IDE: variants seen among roughly 807,000 people sequenced by gnomAD.
IDE encodes insulin-degrading enzyme.
In IDE, 58 loss-of-function variants were observed where a neutral mutation model predicts 133.2. The ratio of observed to expected loss-of-function variants is 0.44; its 90% CI spans 0.35 to 0.54. The LOEUF is 0.54. Among genes scored for constraint, IDE ranks in the 20% least tolerant of loss-of-function variants. IDE has a pLI of 0.00. For synonymous variants in IDE, 396 were observed against 421.3 expected, an observed-to-expected ratio of 0.94 and a Z score of 0.73; for missense variants, 981 against 1,234.0, an observed-to-expected ratio of 0.79 and a Z score of 3.07.
chr10:92,524,180 G>A (rs1344483326), intron 4 of IDE, among the ~76,000 whole-genome samples: 1 of 145,960 alleles, frequency 6.9e-6, no homozygotes, highest in Non-Finnish European at 1.5e-5. Context: ...CATGGTGGCA[G>A]GCATGTAATC....
intron 9 of IDE, 51 bp from the exon 10 acceptor site, chr10:92,506,573 CTTT>C (rs34053974): frequency 4.9e-4 from 332 of 682,328 alleles, no homozygotes; most frequent in South Asian, 9.2e-4. Flanking sequence ...ATTTAGAAAC[CTTT>C]TTTTTTTTTT....
chr10:92,482,696 A>G (rs560669702), intron 14 of IDE, among the ~76,000 whole-genome samples: 2 of 152,318 alleles, frequency 1.3e-5, no homozygotes, highest in Non-Finnish European at 2.9e-5. Context: ...AATAGCTAAC[A>G]TAAATCATTT....
At chr10:92,458,647 G>A (rs768132841) in intron 22 of IDE, among the ~76,000 whole-genome samples, 1 of 151,552 alleles carries the variant, frequency 6.6e-6, no homozygotes. Flanking sequence ...GATTACAGGC[G>A]TGCACCACCA....
At chr10:92,466,547 C>G (rs1334844221) in intron 19 of IDE, among the ~76,000 whole-genome samples, 1 of 151,740 alleles carries the variant, frequency 6.6e-6, no homozygotes, top group East Asian at 1.9e-4. Context: ...GAATTCCTGA[C>G]CTCAGGTGAT....
chr10:92,519,173 A>G (rs1217896527), intron 4 of IDE, among the ~76,000 whole-genome samples: 2 of 152,236 alleles, frequency 1.3e-5, no homozygotes, highest in African/African-American at 4.8e-5. Flanking sequence ...ATTATACAAA[A>G]AGATGTACTC....
intron 17 of IDE, chr10:92,474,421 A>G (rs1475979726): frequency 6.5e-6 from 1 of 152,720 alleles, no homozygotes; most frequent in Non-Finnish European, 1.5e-5. Context: ...GATTGAAAAC[A>G]GTAAATGTGG....
rs543578767 is a variant in IDE at position 92,534,518 on chromosome 10, T to A, written c.491+60A>T. 1.7e-4 allele frequency: 151 copies of A among 893,158 alleles called. 2 individuals are homozygous for A. In the East Asian group the frequency reaches 2.5e-3, roughly 15 times the overall value. 55.3% of individuals were successfully genotyped at this position (893,158 alleles called of 1,614,324 possible). A position where few individuals can be genotyped will look rare whatever the true frequency, so the allele number is the denominator to read the frequency against. On this transcript the variant is annotated intron_variant, in intron 3 of 24. Coordinates refer to ENST00000265986, the MANE Select transcript of IDE (RefSeq NM_004969.4). ...AAGCCATCTCTGTGGAAATAATAAT[T>A]ATTATTATTAATGTGATAAGTACAC...
At chr10:92,503,258 A>G (rs1337165700) in intron 11 of IDE, among the ~76,000 whole-genome samples, 1 of 152,136 alleles carries the variant, frequency 6.6e-6, no homozygotes, top group Non-Finnish European at 1.5e-5. Context: ...GTGAGACCCT[A>G]TCTCTATAAA....
At chr10:92,533,995 C>A (rs1218579478) in intron 3 of IDE, among the ~76,000 whole-genome samples, 1 of 151,688 alleles carries the variant, frequency 6.6e-6, no homozygotes, top group African/African-American at 2.4e-5. Context: ...TGCATTCCAG[C>A]CTGGGAAACA....
intron 1 of IDE, among the ~76,000 whole-genome samples, chr10:92,545,754 C>T (rs1223633576): frequency 1.3e-5 from 2 of 152,118 alleles, no homozygotes; most frequent in African/African-American, 4.8e-5. Context: ...TTCTGAGATA[C>T]TACTATGTAT....
At chr10:92,507,992 AG>A in intron 8 of IDE, 120 bp downstream of exon 8, 1 of 738,630 alleles carries the variant, frequency 1.4e-6, no homozygotes, top group Non-Finnish European at 2.3e-6. Context: ...ACAATGGATA[AG>A]TTGTATGAAT....
chr10:92,502,175 C>A (rs1404479820), intron 11 of IDE, among the ~76,000 whole-genome samples: 1 of 152,018 alleles, frequency 6.6e-6, no homozygotes, highest in Non-Finnish European at 1.5e-5. Context: ...AGAAAAACAG[C>A]CTACCAGGAT....
At position 92,487,235 on chromosome 10, in the gene IDE, C is replaced by T. The variant is rs35426658; in HGVS notation, c.1617G>A (p.Pro539=). ...GGTATGGTGTCGCCTCTTTTTCTAA[C>T]GGTAAAATCTCAAAATTCGTAGGAA... The part of the protein sequence containing the change: ...EFIPTNFEIL[P]LEKEATPYPA... The change falls in exon 13 of 25, where the codon CCG becomes CCA. Residue 539 remains proline, a synonymous_variant. Transcript: ENST00000265986. 3.7e-5 allele frequency: 60 copies of T among 1,612,926 alleles called. No homozygotes were observed. Among genetic ancestry groups the T allele is most frequent in the Non-Finnish European group, 4.6e-5 (54 of 1,179,482 alleles).
intron 1 of IDE, among the ~76,000 whole-genome samples, chr10:92,563,298 A>T (rs1843368395): frequency 6.6e-6 from 1 of 151,970 alleles, no homozygotes; most frequent in African/African-American, 2.4e-5. Context: ...CTAAAAATAC[A>T]AAAATTAGCT....
rs1564635338 is a variant in IDE at position 92,510,704 on chromosome 10, A to ATATGATATATATCACATACATCTCACATG, written c.785-571_785-543dup. The stretch of plus-strand genomic sequence containing the variant: ...GATATATATCACATACATCTCACAT[A>ATATGATATATATCACATACATCTCACATG]TATGATATATATCACATACATCTCA... On this transcript the variant is annotated intron_variant, in intron 5 of 24. Coordinates refer to ENST00000265986, the MANE Select transcript of IDE (RefSeq NM_004969.4). 9.4e-5 allele frequency among the ~76,000 whole-genome samples: 14 copies of ATATGATATATATCACATACATCTCACATG among 149,590 alleles called. No homozygotes were observed. The East Asian group carries it at 2.5e-3, about 27-fold the overall frequency.
Position 92,479,340 on chromosome 10 carries a change from A to G in IDE, c.1821T>C (p.Tyr607=), listed in dbSNP as rs1236636098. 1 of 1,613,574 alleles carries G rather than the reference A, an allele frequency of 6.2e-7. No homozygotes were observed. The highest frequency in any genetic ancestry group is 8.5e-7 in the Non-Finnish European group (1 of 1,179,564). The change falls in exon 15 of 25, where the codon TAT becomes TAC. Residue 607 remains tyrosine, a synonymous_variant. Transcript: ENST00000265986. The stretch of plus-strand genomic sequence containing the variant: ...AGCCTGCTAGCTCTGCTGCATATGC[A>G]TACTCGTTGAGTGAGTCTTTGAGGA... ...LELLKDSLNE[Y]AYAAELAGLS...
At chr10:92,474,415 GA>G (rs1446810400) in intron 17 of IDE, 13 of 152,724 alleles carry the variant, frequency 8.5e-5, no homozygotes. Flanking sequence ...GGTCCAGATT[GA>G]AAACAGTAAA....
intron 11 of IDE, among the ~76,000 whole-genome samples, chr10:92,504,098 C>T (rs564149642): frequency 6.6e-6 from 1 of 152,114 alleles, no homozygotes; most frequent in African/African-American, 2.4e-5. Context: ...AAAAAACTTA[C>T]TCAATAACCA....
intron 4 of IDE, among the ~76,000 whole-genome samples, chr10:92,520,224 T>C (rs79061508): frequency 0.034 from 5,175 of 151,458 alleles, 138 homozygotes; most frequent in Admixed American, 0.059. Context: ...CGAAGAGGGG[T>C]TGGTAAATTG....
Sources: allele counts gnomAD v4.1 joint callset (sites outside exome capture counted in the v4.1 genomes callset), GRCh38; gene constraint gnomAD v4.1.1; transcripts MANE v1.5; gene names NCBI Gene and HGNC (gene_info 2026-07-23, HGNC 2026-07-21).